Variants in ANGEL1 observed in about 807,000 individuals in gnomAD.
The protein encoded by ANGEL1 is angel homolog 1.
ANGEL1 carries 62 observed loss-of-function variants against 76.4 expected under a neutral mutation model. The ratio of observed to expected loss-of-function variants is 0.81; its 90% confidence interval spans 0.66 to 1.00. ANGEL1 has a LOEUF of 1.00. Among genes scored for constraint, ANGEL1 ranks in the 50% least tolerant of loss-of-function variants. The pLI is 0.00. For missense variants in ANGEL1, 737 were observed against 836.7 expected (o/e 0.88, Z 1.47); for synonymous variants, 340 against 331.7 (o/e 1.03, Z -0.27).
chr14:76,809,726 A>C, intron 1 of ANGEL1, 83 bp from the exon 2 acceptor site: 1 of 1,196,192 alleles, frequency 8.4e-7, no homozygotes. Context: ...AGCCCAATAA[A>C]AGCAAGACCC....
At chr14:76,806,276 C>T in intron 5 of ANGEL1, 140 bp downstream of exon 5, 1 of 867,616 alleles carries the variant, frequency 1.2e-6, no homozygotes, top group African/African-American at 1.7e-5. Context: ...TGGGTACAAG[C>T]TATTCAACAT....
rs1465714298 is a variant in ANGEL1 at position 76,789,070 on chromosome 14, C to A, written c.*158G>T. On this transcript the variant is annotated 3_prime_UTR_variant, in exon 10 of 10. Coordinates refer to ENST00000251089, the MANE Select transcript of ANGEL1 (RefSeq NM_015305.4). ...CCACAGGCAGAGAACGCAGCCAGGC[C>A]TGGAGAAAGTCTAACCGTGGGAAAA... The A allele has an allele frequency of 9.8e-7, 1 of 1,022,048 alleles. No individual in the cohort carries two copies. Among genetic ancestry groups the A allele is most frequent in the Non-Finnish European group, 1.4e-6 (1 of 698,942 alleles). 63.3% of individuals were successfully genotyped at this position (1,022,048 alleles called of 1,614,324 possible). A position where few individuals can be genotyped will look rare whatever the true frequency, so the allele number is the denominator to read the frequency against.
intron 7 of ANGEL1, among the ~76,000 whole-genome samples, chr14:76,801,350 A>C (rs951028603): frequency 6.6e-6 from 1 of 152,052 alleles, no homozygotes. Context: ...GGGCTCAAGC[A>C]ATCCTTCTGC....
intron 4 of ANGEL1, 115 bp from the exon 5 acceptor site, chr14:76,806,964 T>C (rs985667419): frequency 8.5e-7 from 1 of 1,178,212 alleles, no homozygotes; most frequent in Non-Finnish European, 1.2e-6. Context: ...TGCTACTCAG[T>C]AAAGGAGCCT....
intron 7 of ANGEL1, among the ~76,000 whole-genome samples, chr14:76,803,091 C>T (rs1052969870): frequency 3.9e-5 from 6 of 152,318 alleles, no homozygotes; most frequent in African/African-American, 1.4e-4. Flanking sequence ...TGTACACATG[C>T]TAGTCATTAG....
At chr14:76,796,261 CTT>C (rs1249373857) in intron 7 of ANGEL1, among the ~76,000 whole-genome samples, 13 of 136,018 alleles carry the variant, frequency 9.6e-5, no homozygotes, top group Admixed American at 2.2e-4. Context: ...TTTTCTTTTT[CTT>C]TTTTTTTTTT....
Position 76,789,467 on chromosome 14 carries a change from G to A in ANGEL1, c.1853-79C>T. 5.2e-6 allele frequency: 8 copies of A among 1,542,832 alleles called. No homozygotes were observed. The South Asian group carries it at 9.7e-5, about 19-fold the overall frequency. The stretch of plus-strand genomic sequence containing the variant: ...GGGCAGGCAGTGGCAGAGTCCTTTG[G>A]GAACGCCTTCTGCAGGCTGCATCCC... On this transcript the variant is annotated intron_variant, in intron 9 of 9. Transcript: ENST00000251089.
At chr14:76,800,900 G>A (rs1006573130) in intron 7 of ANGEL1, among the ~76,000 whole-genome samples, 6 of 151,962 alleles carry the variant, frequency 3.9e-5, no homozygotes, top group African/African-American at 1.5e-4. Context: ...TCAAACCCAG[G>A]AGGCAGATGT....
intron 1 of ANGEL1, among the ~76,000 whole-genome samples, chr14:76,810,495 C>A (rs1284708566): frequency 1.3e-5 from 2 of 152,018 alleles, no homozygotes; most frequent in African/African-American, 4.8e-5. Context: ...TAGATAATCT[C>A]TGAGCTTTTC....
chr14:76,798,019 T>C (rs2140216826), intron 7 of ANGEL1, among the ~76,000 whole-genome samples: 1 of 152,302 alleles, frequency 6.6e-6, no homozygotes, highest in East Asian at 1.9e-4. Context: ...TTAGTGCTCT[T>C]ATAAAAGATG....
chr14:76,810,233 G>A (rs1471493257), intron 1 of ANGEL1: 3 of 454,644 alleles, frequency 6.6e-6, no homozygotes, highest in African/African-American at 2.0e-5. Context: ...ACCAGCCTGG[G>A]CAACATAACG....
Position 76,806,532 on chromosome 14 carries a change from C to T in ANGEL1, c.1264G>A (p.Asp422Asn), listed in dbSNP as rs777484560. The change falls in exon 5 of 10, where the codon GAT (aspartate) becomes AAT (asparagine). Residue 422 changes from aspartate to asparagine, a missense_variant. By Grantham distance (23) the Asp-to-Asn change is conservative. Coordinates refer to ENST00000251089, the MANE Select transcript of ANGEL1 (RefSeq NM_015305.4). ...AAGATGATGGGGCAGTGGCTGCCAT[C>T]TGACAGTCTGGCCACCTTGTCCACT... Reference protein sequence around the residue: ...AEVDKVARLSDGSHCPIILCG... With the variant: ...AEVDKVARLSNGSHCPIILCG... 2.5e-6 allele frequency: 4 copies of T among 1,614,236 alleles called. No homozygotes were observed. In the Admixed American group the frequency reaches 6.7e-5, roughly 27 times the overall value.
At chr14:76,796,948 TCA>T (rs982088629) in intron 7 of ANGEL1, among the ~76,000 whole-genome samples, 25 of 152,098 alleles carry the variant, frequency 1.6e-4, no homozygotes, top group African/African-American at 4.6e-4. Flanking sequence ...ACACACAAAA[TCA>T]CAGTGACCTG....
intron 1 of ANGEL1, among the ~76,000 whole-genome samples, chr14:76,811,145 T>C (rs766579921): frequency 3.3e-5 from 5 of 152,194 alleles, no homozygotes; most frequent in Non-Finnish European, 5.9e-5. Context: ...TGGCATCTAG[T>C]GGTTAGAGGA....
At chr14:76,808,378 T>C (rs957099012) in intron 2 of ANGEL1, among the ~76,000 whole-genome samples, 3 of 152,154 alleles carry the variant, frequency 2.0e-5, no homozygotes, top group African/African-American at 7.2e-5. Flanking sequence ...CCCCAGCACC[T>C]AGCATCTAAT....
rs557497776 is a variant in ANGEL1, at chr14:76,803,639, T to A, written c.1507+147A>T. The A allele has an allele frequency of 3.7e-6, 5 of 1,359,176 alleles. No individual in the cohort carries two copies. The African/African-American group carries it at 7.3e-5, about 20-fold the overall frequency. The allele number at this position is 1,359,176 out of a possible 1,614,324, so 84.2% of individuals were successfully genotyped here. ...CTATGATTTAAAGTTGTCCATTTCA[T>A]TGGACAGCCATTGGGAGGATAGTGA... On this transcript the variant is annotated intron_variant, in intron 6 of 9. Transcript: ENST00000251089.
At chr14:76,796,472 T>C (rs545374333) in intron 7 of ANGEL1, among the ~76,000 whole-genome samples, 63 of 152,246 alleles carry the variant, frequency 4.1e-4, no homozygotes, top group African/African-American at 1.5e-3. Flanking sequence ...CACAGGCTTA[T>C]TTCGAACTCC....
At position 76,803,474 on chromosome 14, in the gene ANGEL1, G is replaced by A. The variant is rs548566082; in HGVS notation, c.1515C>T (p.Arg505=). 3.1e-6 allele frequency: 5 copies of A among 1,614,116 alleles called. No homozygotes were observed. Among genetic ancestry groups the A allele is most frequent in the Non-Finnish European group, 4.2e-6 (5 of 1,179,992 alleles). ...GTAGCAGGAAGTCTCGGCCATACTT[G>A]CGTCTCTCTGTAAACCAGGAAAAGA... The part of the protein sequence containing the change: ...TSCHPKRSER[R]KYGRDFLLRF... The change falls in exon 7 of 10, where the codon CGC becomes CGT. Residue 505 remains arginine, a synonymous_variant. Transcript: ENST00000251089.
intron 1 of ANGEL1, 46 bp from the exon 2 acceptor site, chr14:76,809,689 C>A (rs769791070): frequency 6.7e-7 from 1 of 1,485,922 alleles, no homozygotes; most frequent in Non-Finnish European, 9.2e-7. Context: ...GTCATCCAAC[C>A]CACACTATTC....
Sources: allele counts gnomAD v4.1 joint callset (sites outside exome capture counted in the v4.1 genomes callset), GRCh38; gene constraint gnomAD v4.1.1; transcripts MANE v1.5; gene names NCBI Gene and HGNC (gene_info 2026-07-23, HGNC 2026-07-21).